The following MTFR1 variants were observed in gnomAD, a reference collection of about 807,000 sequenced individuals.
MTFR1 encodes mitochondrial fission regulator 1.
Under a neutral mutation model 38.8 loss-of-function variants are expected in MTFR1, and 28 were observed. That is an observed-to-expected ratio of 0.72 (90% CI 0.53 to 0.99). MTFR1 has a LOEUF of 0.99. MTFR1 is among the 50% of genes least tolerant of loss of function. The pLI, the probability that MTFR1 is intolerant of heterozygous loss-of-function variation, is 0.00. For missense variants in MTFR1, 358 were observed against 395.5 expected, an observed-to-expected ratio of 0.91 and a Z score of 0.81; for synonymous variants, 145 against 137.0, an observed-to-expected ratio of 1.06 and a Z score of -0.41.
chr8:65,699,011 A>T (rs764120766), intron 4 of MTFR1, among the ~76,000 whole-genome samples: 7 of 152,164 alleles, frequency 4.6e-5, no homozygotes, highest in Non-Finnish European at 8.8e-5. Flanking sequence ...TATAGGTGTG[A>T]GCTACTGCGC....
At chr8:65,657,531 C>T (rs1023689930) in intron 1 of MTFR1, among the ~76,000 whole-genome samples, 12 of 151,652 alleles carry the variant, frequency 7.9e-5, no homozygotes, top group Non-Finnish European at 1.5e-4. Flanking sequence ...AGTGAGACCC[C>T]GTCTCTAAAA....
chr8:65,718,572 C>G (rs2129062746), intron 2 of MTFR1: 1 of 152,396 alleles, frequency 6.6e-6, no homozygotes, highest in Middle Eastern at 3.4e-3. Context: ...AAACTAATTG[C>G]TAAAAAAAAT....
chr8:65,708,951 A>G, intron 7 of MTFR1, 25 bp from the exon 8 acceptor site: 1 of 1,609,660 alleles, frequency 6.2e-7, no homozygotes, highest in African/African-American at 1.3e-5. Flanking sequence ...CAATATCTTT[A>G]TTTATACTTT....
intron 3 of MTFR1, chr8:65,727,247 T>C: frequency 2.5e-6 from 4 of 1,613,782 alleles, no homozygotes; most frequent in East Asian, 4.5e-5. Flanking sequence ...AGATCATGAG[T>C]GGCAGCTGCA....
intron 3 of MTFR1, among the ~76,000 whole-genome samples, chr8:65,689,772 A>G (rs1014876444): frequency 6.6e-6 from 1 of 152,176 alleles, no homozygotes; most frequent in African/African-American, 2.4e-5. Flanking sequence ...GTGTCACTCA[A>G]TGAATGCTTC....
At chr8:65,764,630 G>C (rs1808676668) in intron 3 of MTFR1, among the ~76,000 whole-genome samples, 1 of 152,190 alleles carries the variant, frequency 6.6e-6, no homozygotes, top group South Asian at 2.1e-4. Context: ...ATCTACCCTT[G>C]TATGGGAGTT....
Position 65,734,724 on chromosome 8 carries a change from G to A in MTFR1, c.*48+15243G>A, listed in dbSNP as rs1448084605. 1.2e-5 allele frequency: 10 copies of A among 838,966 alleles called. No individual in the cohort carries two copies. In the Admixed American group the frequency reaches 1.8e-4, roughly 15 times the overall value. The allele number at this position is 838,966 out of a possible 1,614,324, so 52.0% of individuals were successfully genotyped here. A position where few individuals can be genotyped will look rare whatever the true frequency, so the allele number is the denominator to read the frequency against. ...TTCAGTCAAAGCAGTAACTTCAGGA[G>A]AAGTATGTGAAAGTAAATCAAAAGG... On this transcript the variant is annotated intron_variant, in intron 3 of 3. Transcript: ENST00000521247.
intron 3 of MTFR1, chr8:65,682,669 A>G: frequency 1.5e-6 from 1 of 682,086 alleles, no homozygotes; most frequent in Non-Finnish European, 1.8e-6. Flanking sequence ...CTTCTTAAGG[A>G]TGCATATGTG....
chr8:65,644,510 T>A (rs1028842354), upstream of MTFR1, among the ~76,000 whole-genome samples: 1 of 152,188 alleles, frequency 6.6e-6, no homozygotes, highest in African/African-American at 2.4e-5. Context: ...GACAGGACGG[T>A]GAAGGCACAA....
chr8:65,676,281 A>G (rs1804705461), intron 2 of MTFR1, among the ~76,000 whole-genome samples: 1 of 152,192 alleles, frequency 6.6e-6, no homozygotes, highest in African/African-American at 2.4e-5. Flanking sequence ...CACATACACA[A>G]TTTTGTGTGT....
At chr8:65,711,078 CCT>C (rs557875762), downstream of MTFR1, among the ~76,000 whole-genome samples, 33 of 152,156 alleles carry the variant, frequency 2.2e-4, no homozygotes, top group South Asian at 3.9e-3. Context: ...TACATGATCC[CCT>C]GTTAAATAAT....
chr8:65,656,074 C>T (rs753346429), intron 1 of MTFR1, among the ~76,000 whole-genome samples: 9 of 144,472 alleles, frequency 6.2e-5, no homozygotes, highest in Non-Finnish European at 1.2e-4. Flanking sequence ...TGCATGCCTG[C>T]AATCCCAGCT....
downstream of MTFR1, among the ~76,000 whole-genome samples, chr8:65,771,487 G>A (rs570303745): frequency 2.0e-5 from 3 of 152,054 alleles, no homozygotes; most frequent in South Asian, 2.1e-4. Flanking sequence ...TGTTGATATC[G>A]ATCTCCCTCT....
intron 1 of MTFR1, among the ~76,000 whole-genome samples, chr8:65,645,836 G>A (rs181959189): frequency 3.4e-3 from 519 of 152,164 alleles, no homozygotes; most frequent in Non-Finnish European, 4.9e-3. Flanking sequence ...GCTATCCTGG[G>A]TTATTTTGAA....
intron 3 of MTFR1, among the ~76,000 whole-genome samples, chr8:65,734,117 G>A (rs55776446): frequency 0.15 from 23,319 of 152,018 alleles, 2,426 homozygotes; most frequent in Non-Finnish European, 0.23. Flanking sequence ...TTAATACCAC[G>A]GATCCAAAAT....
intron 4 of MTFR1, among the ~76,000 whole-genome samples, chr8:65,694,739 C>T (rs1227830432): frequency 6.6e-6 from 1 of 152,162 alleles, no homozygotes; most frequent in African/African-American, 2.4e-5. Context: ...TACAGATGGT[C>T]ACTGCAGGAT....
intron 4 of MTFR1, among the ~76,000 whole-genome samples, chr8:65,700,931 C>A (rs183802837): frequency 4.5e-4 from 68 of 152,292 alleles, no homozygotes; most frequent in Non-Finnish European, 7.4e-4. Context: ...TCAAAAGTTA[C>A]CCCTCTGCTC....
chr8:65,671,897 C>G (rs1315684937), intron 2 of MTFR1, among the ~76,000 whole-genome samples: 1 of 152,190 alleles, frequency 6.6e-6, no homozygotes, highest in Non-Finnish European at 1.5e-5. Context: ...AGCACAGTGG[C>G]TTGTACAGTG....
chr8:65,675,555 C>A (rs1360366896), intron 2 of MTFR1, among the ~76,000 whole-genome samples: 2 of 152,048 alleles, frequency 1.3e-5, no homozygotes, highest in African/African-American at 2.4e-5. Context: ...GCCAAGATCA[C>A]GCCACTGCAC....
Sources: gnomAD v4.1 joint callset for allele counts (sites outside exome capture counted in the v4.1 genomes callset) on GRCh38, gnomAD v4.1.1 for gene constraint, MANE v1.5 for transcripts, NCBI Gene and HGNC (gene_info 2026-07-23, HGNC 2026-07-21) for gene names.